ELMO1: variants seen among roughly 807,000 people sequenced by gnomAD.
The protein encoded by ELMO1 is engulfment and cell motility protein 1.
Under a neutral mutation model 98.9 loss-of-function variants are expected in ELMO1, and 26 were observed. That is an observed-to-expected ratio of 0.26 (90% CI 0.19 to 0.36). ELMO1 has a LOEUF of 0.36. Among genes scored for constraint, ELMO1 ranks in the 10% least tolerant of loss-of-function variants. The pLI is 1.00. For missense variants in ELMO1, 627 were observed against 935.2 expected, an observed-to-expected ratio of 0.67 and a Z score of 4.30; for synonymous variants, 346 against 346.0, an observed-to-expected ratio of 1.00 and a Z score of 0.00.
chr7:36,943,148 A>G (rs1259922665), intron 16 of ELMO1, among the ~76,000 whole-genome samples: 1 of 152,174 alleles, frequency 6.6e-6, no homozygotes, highest in Admixed American at 6.5e-5. Context: ...ACTGGGGACA[A>G]CGCTGGCCAC....
intron 14 of ELMO1, among the ~76,000 whole-genome samples, chr7:37,112,826 C>T (rs911648736): frequency 3.9e-5 from 6 of 152,136 alleles, no homozygotes; most frequent in South Asian, 2.1e-4. Flanking sequence ...ACCAGGTGTA[C>T]AGCATAGTTC....
chr7:36,988,694 G>C (rs1400174443), intron 16 of ELMO1, among the ~76,000 whole-genome samples: 1 of 152,092 alleles, frequency 6.6e-6, no homozygotes, highest in Non-Finnish European at 1.5e-5. Context: ...GAGGGGAAGA[G>C]TGACCCAAAC....
At chr7:37,183,441 A>G (rs1326927825) in intron 13 of ELMO1, among the ~76,000 whole-genome samples, 3 of 152,226 alleles carry the variant, frequency 2.0e-5, no homozygotes, top group Non-Finnish European at 4.4e-5. Flanking sequence ...GGAGAAGAGG[A>G]GGGAACCAGA....
chr7:36,855,803 A>G lies in ELMO1; in HGVS notation c.1984-52T>C, dbSNP rs748010154. 14 of 1,602,458 alleles carry G rather than the reference A, an allele frequency of 8.7e-6. No individual in the cohort carries two copies. Among genetic ancestry groups the G allele is most frequent in the Non-Finnish European group, 1.2e-5 (14 of 1,170,284 alleles). On this transcript the variant is annotated intron_variant, in intron 21 of 21. Coordinates refer to ENST00000310758, the MANE Select transcript of ELMO1 (RefSeq NM_014800.11). This position sits in a 1 kb window ranked among gnomAD's most constrained non-coding sequence, Gnocchi z 4.2. ...CATTACTGGTGGCAATTACAGAAGT[A>G]TTAATAGTAAAAATAGCTAACAGTG...
intron 1 of ELMO1, among the ~76,000 whole-genome samples, chr7:37,444,089 G>A (rs1040448440): frequency 6.6e-6 from 1 of 152,144 alleles, no homozygotes; most frequent in Non-Finnish European, 1.5e-5. Flanking sequence ...ACTTTTGAGA[G>A]ATGTGGTCTC....
intron 14 of ELMO1, among the ~76,000 whole-genome samples, chr7:37,110,357 C>T (rs1418457851): frequency 6.6e-6 from 1 of 152,202 alleles, no homozygotes; most frequent in Non-Finnish European, 1.5e-5. Context: ...TCCAGGTCCC[C>T]TACCTCTGCC....
At chr7:36,958,121 T>G (rs1167357604) in intron 16 of ELMO1, among the ~76,000 whole-genome samples, 1 of 152,220 alleles carries the variant, frequency 6.6e-6, no homozygotes, top group African/African-American at 2.4e-5. Context: ...ACCCCATTCA[T>G]GGCTTCACTT....
chr7:36,927,047 C>G (rs1785633404), intron 16 of ELMO1, among the ~76,000 whole-genome samples: 1 of 152,130 alleles, frequency 6.6e-6, no homozygotes, highest in African/African-American at 2.4e-5. Context: ...TATAACAAGA[C>G]TAACACTTCT....
At chr7:37,068,749 C>T (rs888611067) in intron 15 of ELMO1, among the ~76,000 whole-genome samples, 1 of 152,050 alleles carries the variant, frequency 6.6e-6, no homozygotes, top group African/African-American at 2.4e-5. Context: ...TAGTGGTGCT[C>T]ACTAAAGCAC....
intron 1 of ELMO1, among the ~76,000 whole-genome samples, chr7:37,362,148 T>C (rs1449012768): frequency 2.0e-5 from 3 of 152,240 alleles, no homozygotes; most frequent in East Asian, 3.9e-4. Flanking sequence ...GATGGTTACA[T>C]GACTACATAC....
At chr7:37,386,268 G>T (rs904270409) in intron 1 of ELMO1, among the ~76,000 whole-genome samples, 1 of 152,150 alleles carries the variant, frequency 6.6e-6, no homozygotes, top group Non-Finnish European at 1.5e-5. Flanking sequence ...AGCTGGGGAG[G>T]GAGGGCTGGA....
chr7:37,393,863 T>C (rs1803181522), intron 1 of ELMO1: 1 of 152,186 alleles, frequency 6.6e-6, no homozygotes, highest in African/African-American at 2.4e-5. Context: ...CTTGGGCATA[T>C]CTTGATCTGT....
intron 13 of ELMO1, among the ~76,000 whole-genome samples, chr7:37,154,037 C>G (rs1343476315): frequency 6.6e-6 from 1 of 152,156 alleles, no homozygotes; most frequent in East Asian, 1.9e-4. Context: ...GAGTGGACCT[C>G]CAGCAAACCG....
At chr7:37,381,656 A>G (rs558796189) in intron 1 of ELMO1, among the ~76,000 whole-genome samples, 2 of 152,350 alleles carry the variant, frequency 1.3e-5, no homozygotes, top group South Asian at 4.1e-4. Context: ...AGCTTGAACC[A>G]TCCACAAACC....
At chr7:36,923,773 T>G (rs190627073) in intron 16 of ELMO1, among the ~76,000 whole-genome samples, 60 of 152,202 alleles carry the variant, frequency 3.9e-4, no homozygotes, top group Non-Finnish European at 5.9e-5. Flanking sequence ...ATACTACAGG[T>G]ATTGGGCAGA....
At chr7:36,933,389 G>T (rs1002677719) in intron 16 of ELMO1, among the ~76,000 whole-genome samples, 9 of 152,164 alleles carry the variant, frequency 5.9e-5, no homozygotes, top group African/African-American at 2.2e-4. Flanking sequence ...GATCCTCAAG[G>T]GCTTACATCT....
intron 15 of ELMO1, among the ~76,000 whole-genome samples, chr7:37,057,887 C>T (rs1328520377): frequency 6.6e-6 from 1 of 152,214 alleles, no homozygotes; most frequent in African/African-American, 2.4e-5. Flanking sequence ...CATAATATTA[C>T]CAACTTCCTA....
intron 13 of ELMO1, among the ~76,000 whole-genome samples, chr7:37,175,022 G>C (rs1015876096): frequency 6.6e-6 from 1 of 152,128 alleles, no homozygotes; most frequent in African/African-American, 2.4e-5. Context: ...CAATGGCGAA[G>C]TGGGACCCGA....
chr7:36,863,484 A>T (rs1013995004), intron 20 of ELMO1, among the ~76,000 whole-genome samples: 4 of 152,252 alleles, frequency 2.6e-5, no homozygotes, highest in Admixed American at 6.5e-5. Context: ...AGAACCAGAG[A>T]TGCTATGCCT....
Sources: allele counts gnomAD v4.1 joint callset (sites outside exome capture counted in the v4.1 genomes callset), GRCh38; gene constraint gnomAD v4.1.1; non-coding constraint Gnocchi (gnomAD v3.1); transcripts MANE v1.5; gene names NCBI Gene and HGNC (gene_info 2026-07-23, HGNC 2026-07-21).